Variants in CDKN2B-AS1 observed in about 807,000 individuals in gnomAD.
CDKN2B-AS1 encodes the protein CDKN2B antisense RNA 1 (non-protein coding).
At chr9:22,020,950 G>A (rs1309733414) in intron 1 of CDKN2B-AS1, among the ~76,000 whole-genome samples, 2 of 152,144 alleles carry the variant, frequency 1.3e-5, no homozygotes, top group African/African-American at 4.8e-5. Flanking sequence ...ATCTTTGCCT[G>A]TACCTATGTT....
intron 4 of CDKN2B-AS1, among the ~76,000 whole-genome samples, chr9:22,112,828 A>G (rs753142157): frequency 2.0e-5 from 3 of 152,174 alleles, no homozygotes; most frequent in Non-Finnish European, 2.9e-5. Context: ...TCTTAAAAAA[A>G]TGAGTAAAAG....
At chr9:22,094,594 G>A (rs1825210460) in intron 4 of CDKN2B-AS1, among the ~76,000 whole-genome samples, 1 of 144,342 alleles carries the variant, frequency 6.9e-6, no homozygotes, top group African/African-American at 2.9e-5. Flanking sequence ...CTTTCTTCCA[G>A]TTGATCGAAT....
chr9:22,096,093 G>A (rs1026213510), intron 4 of CDKN2B-AS1, among the ~76,000 whole-genome samples: 5 of 152,128 alleles, frequency 3.3e-5, no homozygotes, highest in Non-Finnish European at 5.9e-5. Flanking sequence ...TAGGAGATAG[G>A]GGTAGGGAAT....
At chr9:22,009,249 CCGCAG>C in intron 1 of CDKN2B-AS1, 1 of 550,148 alleles carries the variant, frequency 1.8e-6, no homozygotes, top group African/African-American at 1.9e-5. Context: ...GCCGCTCTGG[CCGCAG>C]GGTGCGGACG....
chr9:22,017,429 C>T (rs569202066), intron 1 of CDKN2B-AS1, among the ~76,000 whole-genome samples: 4 of 152,316 alleles, frequency 2.6e-5, no homozygotes, highest in East Asian at 3.9e-4. Flanking sequence ...CAACTGAATT[C>T]GGACTCTATA....
intron 1 of CDKN2B-AS1, among the ~76,000 whole-genome samples, chr9:22,007,823 A>C (rs1367355656): frequency 6.6e-6 from 1 of 152,198 alleles, no homozygotes; most frequent in Non-Finnish European, 1.5e-5. Flanking sequence ...TTAAGTTTTT[A>C]AGATGCACTT....
chr9:22,054,799 A>C (rs1007022829), intron 3 of CDKN2B-AS1, among the ~76,000 whole-genome samples: 7 of 144,830 alleles, frequency 4.8e-5, no homozygotes, highest in Non-Finnish European at 7.5e-5. Context: ...TTTTTTCTTG[A>C]GACAGAGTCT....
At chr9:22,063,008 G>C (rs191148638) in intron 4 of CDKN2B-AS1, among the ~76,000 whole-genome samples, 1 of 111,052 alleles carries the variant, frequency 9.0e-6, no homozygotes, top group African/African-American at 3.5e-5. Flanking sequence ...TAGAGAGAGA[G>C]AGAGAGAGAG....
chr9:22,005,848 T>A lies in CDKN2B-AS1; in HGVS notation n.29+10687T>A. 8.4e-7 allele frequency: 1 copy of A among 1,195,574 alleles called. No individual in the cohort carries two copies. The highest frequency in any genetic ancestry group is 2.5e-5 in the East Asian group (1 of 39,234). The allele number at this position is 1,195,574 out of a possible 1,614,324, so 74.1% of individuals were successfully genotyped here. The stretch of plus-strand genomic sequence containing the variant: ...AGGTTATTCCCGGTCGGCTCCTCCT[T>A]CCTGTGAGTCTCAGACAGGCTTGCA... On this transcript the variant is annotated intron_variant and non_coding_transcript_variant, in intron 1 of 4. Coordinates refer to ENST00000650946, the Ensembl canonical transcript of CDKN2B-AS1. The surrounding 1 kb of genome is among the most constrained non-coding windows in gnomAD (Gnocchi z 4.9).
chr9:22,112,294 C>T (rs1825824094), intron 4 of CDKN2B-AS1: 1 of 152,310 alleles, frequency 6.6e-6, no homozygotes, highest in Non-Finnish European at 1.5e-5. Context: ...TTCTCCCTGG[C>T]TTGACTTTCT....
At chr9:22,065,390 C>A (rs988188197) in intron 4 of CDKN2B-AS1, among the ~76,000 whole-genome samples, 1 of 152,142 alleles carries the variant, frequency 6.6e-6, no homozygotes, top group African/African-American at 2.4e-5. Context: ...AATAAAGTAA[C>A]CACTAGACTT....
chr9:22,118,896 G>A (rs140375388), intron 4 of CDKN2B-AS1: 5 of 152,246 alleles, frequency 3.3e-5, no homozygotes, highest in Non-Finnish European at 7.4e-5. Flanking sequence ...TTAAATGGAT[G>A]GGGAGATATC....
chr9:22,055,939 T>G (rs778836114), intron 3 of CDKN2B-AS1, among the ~76,000 whole-genome samples: 1 of 152,114 alleles, frequency 6.6e-6, no homozygotes, highest in Non-Finnish European at 1.5e-5. Context: ...TGCAACGGGC[T>G]ATCAGATAGT....
intron 4 of CDKN2B-AS1, among the ~76,000 whole-genome samples, chr9:22,096,751 T>C (rs1825289814): frequency 1.3e-5 from 2 of 152,160 alleles, no homozygotes; most frequent in Admixed American, 6.6e-5. Flanking sequence ...TAAAATGCCC[T>C]ATGTTATTTC....
intron 1 of CDKN2B-AS1, among the ~76,000 whole-genome samples, chr9:22,015,451 A>T (rs985075113): frequency 1.6e-4 from 25 of 152,128 alleles, no homozygotes; most frequent in Non-Finnish European, 2.1e-4. Context: ...TTGTTTGGTC[A>T]TTCTGAATCC....
chr9:22,118,403 C>T (rs1171983675), intron 4 of CDKN2B-AS1: 1 of 152,100 alleles, frequency 6.6e-6, no homozygotes, highest in African/African-American at 2.4e-5. Context: ...GCATAGCCAG[C>T]TAAATGGGTG....
Position 22,090,514 on chromosome 9 carries a change from G to A in CDKN2B-AS1, n.438+34127G>A, listed in dbSNP as rs146481966. ...GTTGTTTCTTGACTTTTTAATGATC[G>A]CCATTCTGACTGGTGTCAGATGGTA... On this transcript the variant is annotated intron_variant and non_coding_transcript_variant, in intron 4 of 4. Transcript: ENST00000650946. Among the ~76,000 whole-genome samples, 616 of 152,218 alleles carry A rather than the reference G, an allele frequency of 4.0e-3. 6 individuals carry two copies. The highest frequency in any genetic ancestry group is 0.014 in the African/African-American group (575 of 41,520).
In CDKN2B-AS1 at chr9:22,086,040, T is replaced by C. The variant is rs369811012; in HGVS notation, n.438+29653T>C. On this transcript the variant is annotated intron_variant and non_coding_transcript_variant, in intron 4 of 4. Transcript: ENST00000650946. ...GGTCAGAAGATTCAAACTTCCAGAA[T>C]TTAAATCTTCATTCTGCTATTACTA... Among the ~76,000 whole-genome samples, 9 of 152,128 alleles carry C rather than the reference T, an allele frequency of 5.9e-5. No homozygotes were observed. The East Asian group carries it at 1.3e-3, about 23-fold the overall frequency.
At chr9:22,098,088 A>G (rs1372989119) in intron 4 of CDKN2B-AS1, among the ~76,000 whole-genome samples, 1 of 152,104 alleles carries the variant, frequency 6.6e-6, no homozygotes, top group Non-Finnish European at 1.5e-5. Context: ...TTAGATATTT[A>G]GTGAAAAAAC....
Sources: allele counts gnomAD v4.1 joint callset (sites outside exome capture counted in the v4.1 genomes callset), GRCh38; gene constraint gnomAD v4.1.1; non-coding constraint Gnocchi (gnomAD v3.1); transcripts MANE v1.5; gene names NCBI Gene and HGNC (gene_info 2026-07-23, HGNC 2026-07-21).